Variants in RPL13 observed in about 807,000 individuals in gnomAD.
RPL13 encodes large ribosomal subunit protein eL13.
A neutral mutation model predicts 21.4 loss-of-function variants in RPL13; 1 was observed. The observed-to-expected ratio is 0.05, with a 90% CI of 0.02 to 0.22. The LOEUF is 0.22. Among genes scored for constraint, RPL13 ranks in the 10% least tolerant of loss-of-function variants. The pLI is 1.00. For synonymous variants in RPL13, 143 were observed against 120.5 expected, an observed-to-expected ratio of 1.19 and a Z score of -1.23; for missense variants, 289 against 303.0, an observed-to-expected ratio of 0.95 and a Z score of 0.34.
chr16:89,562,164 C>T, intron 4 of RPL13, 171 bp from the exon 5 acceptor site: 1 of 664,570 alleles, frequency 1.5e-6, no homozygotes, highest in Non-Finnish European at 2.6e-6. Flanking sequence ...GATATAGTCA[C>T]CTAACTAATA....
Position 89,562,317 on chromosome 16 carries a change from C to T in RPL13, c.421-18C>T. 6.2e-7 allele frequency: 1 copy of T among 1,613,294 alleles called. No homozygotes were observed. Among genetic ancestry groups the T allele is most frequent in the African/African-American group, 1.3e-5 (1 of 75,028 alleles). On this transcript the variant is annotated intron_variant, in intron 4 of 5. Transcript: ENST00000311528. ...GCAGTGCGGCCAACCCCACTTAACT[C>T]TTCTCATTCACCAACAGGCTGAAGA...
chr16:89,561,511 T>G (rs965739174), intron 3 of RPL13, 67 bp from the exon 4 acceptor site: 1 of 1,612,646 alleles, frequency 6.2e-7, no homozygotes, highest in Non-Finnish European at 8.5e-7. Flanking sequence ...TGCTGAGGCT[T>G]TTCATCCAGG....
intron 1 of RPL13, 37 bp from the exon 2 acceptor site, chr16:89,560,903 G>A (rs987146134): frequency 6.7e-7 from 1 of 1,496,288 alleles, no homozygotes; most frequent in Non-Finnish European, 9.0e-7. Flanking sequence ...CGCGCGCCCG[G>A]GGTCCGGCCT....
Position 89,561,569 on chromosome 16 carries a change from C to G in RPL13, c.247-9C>G. On this transcript the variant is annotated splice_polypyrimidine_tract_variant and intron_variant, in intron 3 of 5. Transcript: ENST00000311528. ...GGCCTGTCTCCATCTCTCTCTGGTT[C>G]TGGGGCAGGTGGCCGGCATTCACAA... The G allele has an allele frequency of 6.2e-7, 1 of 1,613,430 alleles. No homozygotes were observed. The highest frequency in any genetic ancestry group is 8.5e-7 in the Non-Finnish European group (1 of 1,180,038).
In RPL13 at chr16:89,564,267, C is replaced by T. The variant is rs2058766933; in HGVS notation, c.*1225C>T. 2 of 152,150 alleles carry T rather than the reference C, an allele frequency of 1.3e-5. No individual in the cohort carries two copies. Among genetic ancestry groups the T allele is most frequent in the Non-Finnish European group, 2.9e-5 (2 of 68,046 alleles). The allele number at this position is 152,150 out of a possible 1,614,324, so 9.4% of individuals were successfully genotyped here. A position where few individuals can be genotyped will look rare whatever the true frequency, so the allele number is the denominator to read the frequency against. On this transcript the variant is annotated 3_prime_UTR_variant, in exon 6 of 6. Coordinates refer to ENST00000311528, the MANE Select transcript of RPL13 (RefSeq NM_000977.4). ...CTACCTCTGCTGCTGCACTCACAGC[C>T]ACACTTGATACACGATGACACCTTG...
At chr16:89,561,885 C>T (rs901550710) in intron 4 of RPL13, 134 bp downstream of exon 4, 2 of 983,958 alleles carry the variant, frequency 2.0e-6, no homozygotes, top group African/African-American at 3.3e-5. Flanking sequence ...CTAAGCGGGA[C>T]TGCTAAGGTT....
At position 89,561,730 on chromosome 16, in the gene RPL13, C is replaced by T. The variant is rs775112440; in HGVS notation, c.399C>T (p.Ala133=). Residue 133 remains alanine (A), a synonymous_variant, in exon 4 of 6, where the codon GCC becomes GCT. Coordinates refer to ENST00000311528, the MANE Select transcript of RPL13 (RefSeq NM_000977.4). Reference sequence around the variant, plus strand: ...TCCTCTTCCCCAGGAAGCCCTCGGCCCCCAAGAAGGGAGACAGTTCTGTGA... The same window carrying T: ...TCCTCTTCCCCAGGAAGCCCTCGGCTCCCAAGAAGGGAGACAGTTCTGTGA... ...KLILFPRKPS[A]PKKGDSSAEE... The T allele has an allele frequency of 5.3e-5, 85 of 1,613,574 alleles. 2 individuals are homozygous for T. Among genetic ancestry groups the T allele is most frequent in the Non-Finnish European group, 5.1e-6 (6 of 1,179,964 alleles).
rs1015060213 is a variant in RPL13, at chr16:89,560,687, C to A, written c.-46C>A. 5.1e-6 allele frequency: 2 copies of A among 390,668 alleles called. No homozygotes were observed. The highest frequency in any genetic ancestry group is 4.6e-6 in the Non-Finnish European group (1 of 218,050). The allele number at this position is 390,668 out of a possible 1,614,324, so 24.2% of individuals were successfully genotyped here. A position where few individuals can be genotyped will look rare whatever the true frequency, so the allele number is the denominator to read the frequency against. Reference sequence around the variant, plus strand: ...GTGCATTGCGGGGCCGCTTCCTTTCCGCTCGGCTGTTTTCCTGCGCAGGAG... The same window carrying A: ...GTGCATTGCGGGGCCGCTTCCTTTCAGCTCGGCTGTTTTCCTGCGCAGGAG... On this transcript the variant is annotated 5_prime_UTR_variant, in exon 1 of 6. Transcript: ENST00000311528.
downstream of RPL13, chr16:89,564,569 G>A (rs1275539902): frequency 6.6e-6 from 1 of 152,164 alleles, no homozygotes; most frequent in African/African-American, 2.4e-5. Context: ...CAGCTACTTG[G>A]TAGGCTTGAA....
chr16:89,566,671 A>G (rs1401071027), downstream of RPL13: 1 of 151,910 alleles, frequency 6.6e-6, no homozygotes, highest in Non-Finnish European at 1.5e-5. Flanking sequence ...CTCAGGAAAA[A>G]AAAAAACAAA....
At position 89,561,637 on chromosome 16, in the gene RPL13, G is replaced by T; in HGVS notation, c.306G>T (p.Arg102Ser). ...TCGGCATTTCTGTGGATCCGAGGAG[G>T]CGGAACAAGTCCACGGAGTCCCTGC... ...RTIGISVDPR[R>S]RNKSTESLQA... Residue 102 changes from arginine to serine, a missense_variant, in exon 4 of 6, where the codon AGG becomes AGT. Physicochemically the swap from Arg to Ser is moderately radical, Grantham distance 110. Transcript: ENST00000311528. 1.2e-6 allele frequency: 2 copies of T among 1,613,856 alleles called. No individual in the cohort carries two copies. The highest frequency in any genetic ancestry group is 1.7e-6 in the Non-Finnish European group (2 of 1,180,044).
rs1345446597 is a variant in RPL13, at chr16:89,563,001, G to A, written c.595G>A (p.Ala199Thr). ...ARLFGIRAKR[A>T]KEAAEQDVEK... ...GCTCTTCGGCATACGGGCAAAAAGA[G>A]CCAAGGAAGCCGCAGAACAGGATGT... The change falls in exon 6 of 6, where the codon GCC (alanine) becomes ACC (threonine). Residue 199 changes from alanine to threonine, a missense_variant. By Grantham distance (58) the Ala-to-Thr change is moderately conservative. Transcript: ENST00000311528. The A allele has an allele frequency of 3.2e-6, 5 of 1,570,834 alleles. No individual in the cohort carries two copies. The South Asian group carries it at 4.7e-5, about 15-fold the overall frequency.
rs947720052 is a variant in RPL13, at chr16:89,560,727, G to A, written c.-21+15G>A. 1.4e-5 allele frequency: 7 copies of A among 495,544 alleles called. No homozygotes were observed. The East Asian group carries it at 1.8e-4, about 13-fold the overall frequency. 30.7% of individuals were successfully genotyped at this position (495,544 alleles called of 1,614,324 possible). Reference sequence around the variant, plus strand: ...CTGCGCAGGAGGTGAGGGAGACTGGGTCCTGGCCTTTGGGCATCATCCAGC... The same window carrying A: ...CTGCGCAGGAGGTGAGGGAGACTGGATCCTGGCCTTTGGGCATCATCCAGC... On this transcript the variant is annotated intron_variant, in intron 1 of 5. Transcript: ENST00000311528.
chr16:89,562,707 TTTC>T (rs2058754560), intron 5 of RPL13, 174 bp from the exon 6 acceptor site: 1 of 664,186 alleles, frequency 1.5e-6, no homozygotes, highest in Non-Finnish European at 2.4e-6. Flanking sequence ...AGGGAGGGTT[TTTC>T]TTTTTTTTTT....
At chr16:89,564,725 C>G (rs1259418523), downstream of RPL13, 2 of 152,266 alleles carry the variant, frequency 1.3e-5, no homozygotes, top group African/African-American at 4.8e-5. Context: ...GTGAGAGGGC[C>G]TGAAGATTTC....
Position 89,561,631 on chromosome 16 carries a change from G to C in RPL13, c.300G>C (p.Pro100=). 6.2e-7 allele frequency: 1 copy of C among 1,613,814 alleles called. No homozygotes were observed. The highest frequency in any genetic ancestry group is 8.5e-7 in the Non-Finnish European group (1 of 1,180,044). ...GGACCATCGGCATTTCTGTGGATCC[G>C]AGGAGGCGGAACAAGTCCACGGAGT... ...VARTIGISVD[P]RRRNKSTESL... Residue 100 remains proline, a synonymous_variant, in exon 4 of 6, where the codon CCG becomes CCC. Coordinates refer to ENST00000311528, the MANE Select transcript of RPL13 (RefSeq NM_000977.4).
intron 3 of RPL13, 28 bp from the exon 4 acceptor site, chr16:89,561,550 T>G: frequency 6.2e-7 from 1 of 1,613,330 alleles, no homozygotes; most frequent in Non-Finnish European, 8.5e-7. Flanking sequence ...CCCGGGCCTG[T>G]CTCCATCTCT....
chr16:89,566,713 C>T (rs868624313), downstream of RPL13: 2 of 151,924 alleles, frequency 1.3e-5, no homozygotes, highest in Admixed American at 6.6e-5. Flanking sequence ...CCCTGGAAGA[C>T]GAGTGTGCAT....
chr16:89,562,067 GTAGT>G (rs1369430382), intron 4 of RPL13: 1 of 587,318 alleles, frequency 1.7e-6, no homozygotes, highest in African/African-American at 1.9e-5. Context: ...ACGTTTCCGG[GTAGT>G]TAAATTAGGG....
Sources: allele counts gnomAD v4.1 joint callset, GRCh38; gene constraint gnomAD v4.1.1; transcripts MANE v1.5; gene names NCBI Gene and HGNC (gene_info 2026-07-23, HGNC 2026-07-21).